The following GABPB1 variants were observed in gnomAD, a reference collection of about 807,000 sequenced individuals.
GABPB1 encodes GA-binding protein subunit beta-1.
Under a neutral mutation model 45.9 loss-of-function variants are expected in GABPB1, and 15 were observed. The ratio of observed to expected loss-of-function variants is 0.33; its 90% CI spans 0.22 to 0.50. The LOEUF (loss-of-function observed/expected upper bound fraction) is 0.50, where lower values mean the gene tolerates loss of function less well. Among genes scored for constraint, GABPB1 ranks in the 20% least tolerant of loss-of-function variants. The probability of loss-of-function intolerance (pLI) is 0.98; values close to 1 mark genes in which losing one functional copy is unlikely to be tolerated. For missense variants in GABPB1, 252 were observed against 457.5 expected (o/e 0.55, Z 4.10); for synonymous variants, 143 against 154.4 (o/e 0.93, Z 0.55).
At chr15:50,287,620 G>T (rs2046209417) in intron 7 of GABPB1, among the ~76,000 whole-genome samples, 1 of 152,134 alleles carries the variant, frequency 6.6e-6, no homozygotes, top group East Asian at 1.9e-4. Flanking sequence ...AACCAAACCT[G>T]CCCAACACCT....
chr15:50,281,384 T>C (rs936961039), intron 8 of GABPB1, among the ~76,000 whole-genome samples: 1 of 149,328 alleles, frequency 6.7e-6, no homozygotes, highest in African/African-American at 2.4e-5. Context: ...GCTAATTTTT[T>C]GTATTTTTAG....
At chr15:50,313,969 A>G (rs536884699) in intron 1 of GABPB1, among the ~76,000 whole-genome samples, 45 of 152,286 alleles carry the variant, frequency 3.0e-4, no homozygotes, top group African/African-American at 1.0e-3. Context: ...AACAAAGAAA[A>G]TGTATAATGT....
intron 7 of GABPB1, 107 bp from the exon 8 acceptor site, chr15:50,286,290 C>A (rs1272138065): frequency 1.4e-6 from 1 of 710,508 alleles, no homozygotes; most frequent in Non-Finnish European, 2.1e-6. Flanking sequence ...AACTACATTC[C>A]AAAACAATAA....
chr15:50,321,313 A>G (rs1038604113), intron 1 of GABPB1, among the ~76,000 whole-genome samples: 1 of 152,160 alleles, frequency 6.6e-6, no homozygotes, highest in Non-Finnish European at 1.5e-5. Flanking sequence ...CTGCTTCTCC[A>G]TAAGGTCTCC....
At chr15:50,291,320 G>GA (rs1446638269) in intron 6 of GABPB1, among the ~76,000 whole-genome samples, 1 of 115,630 alleles carries the variant, frequency 8.6e-6, no homozygotes, top group African/African-American at 2.9e-5. Context: ...ACTATCCATT[G>GA]AATTTTTTTT....
At chr15:50,347,570 A>C (rs1420429685) in intron 1 of GABPB1, 1 of 152,074 alleles carries the variant, frequency 6.6e-6, no homozygotes, top group African/African-American at 2.4e-5. Context: ...GATACATGGG[A>C]AGTGCTGTGG....
Position 50,276,627 on chromosome 15 carries a change from G to A in GABPB1, c.*2005C>T, listed in dbSNP as rs777286534. 6.6e-5 allele frequency: 10 copies of A among 152,194 alleles called. No homozygotes were observed. The highest frequency in any genetic ancestry group is 1.0e-4 in the Non-Finnish European group (7 of 68,030). 9.4% of individuals were successfully genotyped at this position (152,194 alleles called of 1,614,324 possible). ...GGAGAGGAGACTGGAAGTCAAAGAC[G>A]ACATTAAGTTAGCTTTCACAAACTT... On this transcript the variant is annotated 3_prime_UTR_variant, in exon 9 of 9. Transcript: ENST00000380877.
In GABPB1 at chr15:50,301,263, G is replaced by T; in HGVS notation, c.577C>A (p.Leu193Ile). The T allele has an allele frequency of 6.2e-7, 1 of 1,614,050 alleles. No homozygotes were observed. The highest frequency in any genetic ancestry group is 8.5e-7 in the Non-Finnish European group (1 of 1,179,948). Residue 193 changes from leucine (L) to isoleucine (I), a missense_variant, in exon 5 of 9, where the codon CTA becomes ATA. By Grantham distance (5) the Leu-to-Ile change is conservative. Coordinates refer to ENST00000380877, the MANE Select transcript of GABPB1 (RefSeq NM_016654.5). ...TTTTCTGAAGATACCAGACCTGTTA[G>T]GTTCACCACCCCTCCAGGTCCAATG... ...FIIGPGGVVN[L>I]TDETGVSAVQ...
intron 5 of GABPB1, 167 bp downstream of exon 5, chr15:50,301,090 G>C: frequency 9.6e-7 from 1 of 1,046,290 alleles, no homozygotes; most frequent in Non-Finnish European, 1.4e-6. Flanking sequence ...AAATCTTTTT[G>C]CCAGTTATAC....
In GABPB1 at chr15:50,281,435, T is replaced by A. The variant is rs558689610; in HGVS notation, c.1000-2651A>T. Among the ~76,000 whole-genome samples, 10 of 152,196 alleles carry A rather than the reference T, an allele frequency of 6.6e-5. 1 individual carries two copies. The highest frequency in any genetic ancestry group is 1.7e-4 in the African/African-American group (7 of 41,540). On this transcript the variant is annotated intron_variant, in intron 8 of 8. Transcript: ENST00000380877. The stretch of plus-strand genomic sequence containing the variant: ...ACCATGTTAGCCAGGATGGTCTCAA[T>A]CTCCTGACCTCGTGATCTGCCCGCC...
chr15:50,327,736 C>G (rs1179562251), intron 1 of GABPB1, among the ~76,000 whole-genome samples: 2 of 151,952 alleles, frequency 1.3e-5, no homozygotes, highest in African/African-American at 4.8e-5. Flanking sequence ...CCCATCTCTA[C>G]TAAAAATACA....
In GABPB1 at chr15:50,281,471, A is replaced by G. The variant is rs543751854; in HGVS notation, c.1000-2687T>C. ...CGTGATCTGCCCGCCTTGGCCTCCC[A>G]AAGTGCTAGGATTACAGGCGTGAGC... On this transcript the variant is annotated intron_variant, in intron 8 of 8. Coordinates refer to ENST00000380877, the MANE Select transcript of GABPB1 (RefSeq NM_016654.5). 1.3e-4 allele frequency among the ~76,000 whole-genome samples: 20 copies of G among 152,330 alleles called. No homozygotes were observed. The East Asian group carries it at 3.1e-3, about 23-fold the overall frequency.
chr15:50,310,521 CTT>C (rs2047094027), intron 1 of GABPB1, among the ~76,000 whole-genome samples: 1 of 152,192 alleles, frequency 6.6e-6, no homozygotes, highest in Non-Finnish European at 1.5e-5. Flanking sequence ...TTAAACTAAA[CTT>C]AGCATAAATT....
chr15:50,340,350 C>T (rs8025367), intron 1 of GABPB1, among the ~76,000 whole-genome samples: 71,881 of 151,964 alleles, frequency 0.47, 18,372 homozygotes, highest in Middle Eastern at 0.65. Flanking sequence ...GTCTTCTTCA[C>T]ATATTTTTCC....
chr15:50,340,272 TAA>T (rs1236657522), intron 1 of GABPB1, among the ~76,000 whole-genome samples: 5 of 152,200 alleles, frequency 3.3e-5, no homozygotes, highest in African/African-American at 1.2e-4. Context: ...CTATTGTTTA[TAA>T]GTCACTAGTT....
In GABPB1 at chr15:50,309,945, T is replaced by C. The variant is rs149679820; in HGVS notation, c.1-147A>G. 4.5e-3 allele frequency: 2,279 copies of C among 501,450 alleles called. 47 individuals are homozygous for C. Among genetic ancestry groups the C allele is most frequent in the Admixed American group, 0.035 (913 of 26,146 alleles). The allele number at this position is 501,450 out of a possible 1,614,324, so 31.1% of individuals were successfully genotyped here. On this transcript the variant is annotated intron_variant, in intron 1 of 8. Coordinates refer to ENST00000380877, the MANE Select transcript of GABPB1 (RefSeq NM_016654.5). ...ATGGTTAATTTAAAATTACAGATCA[T>C]ACAAAAGCAATTTATATTTGGATTT... is the stretch of plus-strand genomic sequence containing the variant.
At chr15:50,306,990 T>A (rs1054724010) in intron 2 of GABPB1, among the ~76,000 whole-genome samples, 3 of 152,144 alleles carry the variant, frequency 2.0e-5, no homozygotes, top group Non-Finnish European at 2.9e-5. Flanking sequence ...GTTTCCAGTT[T>A]TTGTGTTATT....
chr15:50,289,498 G>T lies in GABPB1; in HGVS notation c.868C>A (p.Pro290Thr). 1 of 1,608,074 alleles carries T rather than the reference G, an allele frequency of 6.2e-7. No homozygotes were observed. The highest frequency in any genetic ancestry group is 8.5e-7 in the Non-Finnish European group (1 of 1,176,982). Residue 290 changes from proline to threonine, a missense_variant, in exon 7 of 9, where the codon CCA (proline) becomes ACA (threonine). Physicochemically the swap from Pro to Thr is conservative, Grantham distance 38. Coordinates refer to ENST00000380877, the MANE Select transcript of GABPB1 (RefSeq NM_016654.5). ...TACTACTAACCTTGTTGTCCATCTG[G>T]CATGGTCACAATGATGGGCTGACCA... is the stretch of plus-strand genomic sequence containing the variant. ...GIGQPIIVTM[P>T]DGQQVLTVPA...
intron 8 of GABPB1, among the ~76,000 whole-genome samples, chr15:50,281,502 C>T (rs566437322): frequency 1.2e-4 from 19 of 152,282 alleles, no homozygotes; most frequent in East Asian, 3.9e-4. Flanking sequence ...TGAGCCACTG[C>T]GCCCGGCCTA....
Sources: allele counts gnomAD v4.1 joint callset (sites outside exome capture counted in the v4.1 genomes callset), GRCh38; gene constraint gnomAD v4.1.1; transcripts MANE v1.5; gene names NCBI Gene and HGNC (gene_info 2026-07-23, HGNC 2026-07-21).